Variants in LIN52 observed in about 807,000 individuals in gnomAD.
The protein encoded by LIN52 is lin-52 DREAM MuvB core complex component.
In LIN52, 4 loss-of-function variants were observed where a neutral mutation model predicts 18.5. The observed-to-expected ratio is 0.22, with a 90% CI of 0.11 to 0.49. LIN52 has a LOEUF of 0.49. Among genes scored for constraint, LIN52 ranks in the 20% least tolerant of loss-of-function variants. The pLI, the probability that LIN52 is intolerant of heterozygous loss-of-function variation, is 0.97. For synonymous variants in LIN52, 34 were observed against 45.5 expected (o/e 0.75, Z 1.02); for missense variants, 102 against 139.5 (o/e 0.73, Z 1.35).
intron 5 of LIN52, among the ~76,000 whole-genome samples, chr14:74,187,096 A>G (rs536117865): frequency 5.3e-5 from 8 of 152,320 alleles, no homozygotes; most frequent in Admixed American, 5.2e-4. Context: ...AAAAAAGTAA[A>G]AAAGAAGAAA....
chr14:74,137,664 TA>T (rs973854575), intron 5 of LIN52, among the ~76,000 whole-genome samples: 5 of 152,046 alleles, frequency 3.3e-5, no homozygotes, highest in Admixed American at 2.0e-4. Flanking sequence ...CATGCCTAAC[TA>T]ATTTTTGTAT....
At chr14:74,195,185 A>G (rs766580524) in intron 5 of LIN52, among the ~76,000 whole-genome samples, 6 of 152,170 alleles carry the variant, frequency 3.9e-5, no homozygotes, top group Admixed American at 2.0e-4. Flanking sequence ...CACTGACTCT[A>G]TATAACACTC....
At chr14:74,186,495 C>A (rs2061341254) in intron 5 of LIN52, among the ~76,000 whole-genome samples, 1 of 152,042 alleles carries the variant, frequency 6.6e-6, no homozygotes, top group Admixed American at 6.5e-5. Context: ...CAAGGCCAGG[C>A]ATGGTTGCTC....
At chr14:74,142,491 A>G (rs2061135617) in intron 5 of LIN52, among the ~76,000 whole-genome samples, 2 of 152,152 alleles carry the variant, frequency 1.3e-5, no homozygotes, top group Admixed American at 1.3e-4. Flanking sequence ...GTTCTGGGCT[A>G]TTGGAGATCT....
chr14:74,159,557 T>C (rs1263565408), intron 5 of LIN52, among the ~76,000 whole-genome samples: 6 of 130,596 alleles, frequency 4.6e-5, no homozygotes, highest in Non-Finnish European at 9.5e-5. Context: ...AGTCCTCATA[T>C]GTGGGGTTTG....
intron 5 of LIN52, among the ~76,000 whole-genome samples, chr14:74,177,717 C>T (rs2061300119): frequency 6.6e-6 from 1 of 152,112 alleles, no homozygotes; most frequent in Admixed American, 6.6e-5. Context: ...TATCTTGGGG[C>T]ATGAAAAGCT....
At chr14:74,097,601 T>G (rs2060823207) in intron 3 of LIN52, among the ~76,000 whole-genome samples, 193 bp from the exon 4 acceptor site, 1 of 151,746 alleles carries the variant, frequency 6.6e-6, no homozygotes, top group Admixed American at 6.6e-5. Context: ...CCTGGCTAAT[T>G]TTTTTTGTAT....
intron 5 of LIN52, among the ~76,000 whole-genome samples, chr14:74,108,262 A>G (rs2060908859): frequency 1.3e-5 from 2 of 152,284 alleles, no homozygotes; most frequent in South Asian, 2.1e-4. Flanking sequence ...CATTGTATTT[A>G]TCTACCTGGT....
intron 5 of LIN52, among the ~76,000 whole-genome samples, chr14:74,158,849 T>C (rs1201124038): frequency 6.6e-6 from 1 of 152,236 alleles, no homozygotes; most frequent in African/African-American, 2.4e-5. Flanking sequence ...CAAATGGCCC[T>C]TAATAATTTT....
At chr14:74,104,606 T>C (rs1051359503) in intron 5 of LIN52, among the ~76,000 whole-genome samples, 6 of 151,068 alleles carry the variant, frequency 4.0e-5, no homozygotes, top group Non-Finnish European at 8.8e-5. Context: ...TTTTTTTTAA[T>C]TTTGATAAGA....
chr14:74,104,488 G>C (rs1422926877), intron 5 of LIN52, among the ~76,000 whole-genome samples: 1 of 151,070 alleles, frequency 6.6e-6, no homozygotes, highest in East Asian at 2.0e-4. Context: ...TTCAAAATCT[G>C]GGTTTTGTTG....
intron 5 of LIN52, among the ~76,000 whole-genome samples, chr14:74,145,322 G>A (rs974116501): frequency 3.3e-5 from 5 of 152,134 alleles, no homozygotes; most frequent in Non-Finnish European, 7.3e-5. Flanking sequence ...TTTTATGTGT[G>A]CCCTCCAAAC....
intron 5 of LIN52, among the ~76,000 whole-genome samples, chr14:74,130,278 G>GTGTTTTTTTTT (rs1566856480): frequency 4.6e-5 from 3 of 64,844 alleles, no homozygotes; most frequent in African/African-American, 6.3e-5. Context: ...GCATTTTTTG[G>GTGTTTTTTTTT]TTTTTTTTTT....
chr14:74,104,980 A>G (rs1051572984), intron 5 of LIN52, among the ~76,000 whole-genome samples: 2 of 152,126 alleles, frequency 1.3e-5, no homozygotes, highest in African/African-American at 4.8e-5. Flanking sequence ...CATTTCTCTC[A>G]TTGACTAGAA....
intron 1 of LIN52, among the ~76,000 whole-genome samples, chr14:74,087,693 T>G (rs2060743459): frequency 6.6e-6 from 1 of 152,174 alleles, no homozygotes; most frequent in Non-Finnish European, 1.5e-5. Flanking sequence ...AAAATTTAAT[T>G]CAGATAATAT....
intron 5 of LIN52, among the ~76,000 whole-genome samples, chr14:74,106,737 T>A (rs574411958): frequency 3.7e-4 from 57 of 152,254 alleles, no homozygotes; most frequent in Middle Eastern, 3.4e-3. Context: ...ATTACAGGTG[T>A]GCACCACCAT....
intron 5 of LIN52, among the ~76,000 whole-genome samples, chr14:74,191,900 G>A (rs539379858): frequency 6.6e-6 from 1 of 152,166 alleles, no homozygotes; most frequent in Admixed American, 6.5e-5. Flanking sequence ...CTTCCAAAGT[G>A]CTGGGATTAC....
At chr14:74,142,600 A>C (rs1462430227) in intron 5 of LIN52, among the ~76,000 whole-genome samples, 1 of 150,960 alleles carries the variant, frequency 6.6e-6, no homozygotes, top group Non-Finnish European at 1.5e-5. Flanking sequence ...TTCCTCAGTC[A>C]CTCTAGGAAA....
chr14:74,143,845 G>A (rs1406586013), intron 5 of LIN52, among the ~76,000 whole-genome samples: 1 of 152,008 alleles, frequency 6.6e-6, no homozygotes, highest in Non-Finnish European at 1.5e-5. Context: ...CTGTTAACTA[G>A]TCACCCTGCT....
Sources: allele counts gnomAD v4.1 joint callset (sites outside exome capture counted in the v4.1 genomes callset), GRCh38; gene constraint gnomAD v4.1.1; transcripts MANE v1.5; gene names NCBI Gene and HGNC (gene_info 2026-07-23, HGNC 2026-07-21).